Variants in HMCN2 observed in about 807,000 individuals in gnomAD.
The protein encoded by HMCN2 is hemicentin 2.
A neutral mutation model predicts 377.5 loss-of-function variants in HMCN2; 325 were observed. The observed-to-expected ratio is 0.86, with a 90% confidence interval of 0.79 to 0.94. HMCN2 has a LOEUF of 0.94. Among genes scored for constraint, HMCN2 ranks in the 40% least tolerant of loss-of-function variants. HMCN2 has a pLI of 0.00. For missense variants in HMCN2, 4,543 were observed against 4,725.3 expected, an observed-to-expected ratio of 0.96 and a Z score of 1.13; for synonymous variants, 2,007 against 2,046.8, an observed-to-expected ratio of 0.98 and a Z score of 0.53.
intron 31 of HMCN2, 84 bp from the exon 32 acceptor site, chr9:130,354,679 G>T (rs1447293634): frequency 2.6e-6 from 3 of 1,143,788 alleles, no homozygotes; most frequent in African/African-American, 3.2e-5. Flanking sequence ...GTCGGTGAGG[G>T]GCTTCAGCGG....
At position 130,365,824 on chromosome 9, in the gene HMCN2, C is replaced by T. The variant is rs1840661860; in HGVS notation, c.6506-52C>T. On this transcript the variant is annotated intron_variant, in intron 42 of 97. Transcript: ENST00000683500. The stretch of plus-strand genomic sequence containing the variant: ...CCAGCCTGCCCTCGCCTTGCTCATC[C>T]CCTCCCCATCTCAGCCCCACCCCCA... 4 of 983,684 alleles carry T rather than the reference C, an allele frequency of 4.1e-6. No individual in the cohort carries two copies. The African/African-American group carries it at 5.2e-5, about 13-fold the overall frequency. 60.9% of individuals were successfully genotyped at this position (983,684 alleles called of 1,614,324 possible). A position where few individuals can be genotyped will look rare whatever the true frequency, so the allele number is the denominator to read the frequency against.
At chr9:130,412,502 A>G (rs1025323948) in intron 85 of HMCN2, among the ~76,000 whole-genome samples, 1 of 148,690 alleles carries the variant, frequency 6.7e-6, no homozygotes. Context: ...TTGGGGTTAC[A>G]CCTTTTAAAA....
Position 130,430,363 on chromosome 9 carries a change from C to A in HMCN2, c.14406C>A (p.Cys4802Ter). Residue 4802 changes from cysteine to a stop codon, truncating the protein, a stop_gained, in exon 95 of 98, where the codon TGC becomes TGA. Transcript: ENST00000683500. LOFTEE classifies it high-confidence loss of function. The part of the protein sequence containing the change: ...HNLQGSYRCL[C>*]PPGQTLLRDG... ...TCCAGGGCAGCTACCGCTGCCTGTG[C>A]CCCCCAGGCCAGACCCTCCTTCGCG... The A allele has an allele frequency of 6.5e-7, 1 of 1,549,132 alleles. No individual in the cohort carries two copies. The highest frequency in any genetic ancestry group is 8.7e-7 in the Non-Finnish European group (1 of 1,146,750).
intron 3 of HMCN2, among the ~76,000 whole-genome samples, chr9:130,285,623 C>T (rs1311638509): frequency 6.6e-6 from 1 of 152,248 alleles, no homozygotes; most frequent in African/African-American, 2.4e-5. Context: ...ACCCGTCTTC[C>T]TCCTGGCATC....
chr9:130,270,275 T>TG (rs1834345205), intron 1 of HMCN2, among the ~76,000 whole-genome samples: 1 of 131,566 alleles, frequency 7.6e-6, no homozygotes, highest in African/African-American at 2.7e-5. Flanking sequence ...TAAAGGTTTT[T>TG]TTTGTTTGTT....
chr9:130,309,457 G>C (rs1029910087), intron 14 of HMCN2, among the ~76,000 whole-genome samples: 10 of 143,236 alleles, frequency 7.0e-5, no homozygotes, highest in Middle Eastern at 3.8e-3. Flanking sequence ...AGAGGTTGCA[G>C]TGAGCCAAGA....
intron 53 of HMCN2, among the ~76,000 whole-genome samples, 157 bp from the exon 54 acceptor site, chr9:130,379,092 T>G (rs907254395): frequency 6.6e-6 from 1 of 152,066 alleles, no homozygotes; most frequent in African/African-American, 2.4e-5. Flanking sequence ...AACACCGGTT[T>G]AGGGAGTGAG....
Position 130,374,597 on chromosome 9 carries a change from G to A in HMCN2, c.7534G>A (p.Val2512Ile). 1.0e-6 allele frequency: 1 copy of A among 985,786 alleles called. No homozygotes were observed. Among genetic ancestry groups the A allele is most frequent in the Non-Finnish European group, 1.2e-6 (1 of 829,962 alleles). 61.1% of individuals were successfully genotyped at this position (985,786 alleles called of 1,614,324 possible). A position where few individuals can be genotyped will look rare whatever the true frequency, so the allele number is the denominator to read the frequency against. ...HISPDGVLLQ[V>I]LQANLSSAGH... ...CTCCCCAGACGGAGTCCTCCTGCAG[G>A]TCCTCCAGGCAAACCTGTCCAGTGC... Residue 2512 changes from valine to isoleucine, a missense_variant, in exon 49 of 98, where the codon GTC (valine) becomes ATC (isoleucine). Val to Ile is a conservative substitution (Grantham distance 29, BLOSUM62 3). Transcript: ENST00000683500.
intron 22 of HMCN2, among the ~76,000 whole-genome samples, chr9:130,334,707 TTCTC>T (rs1200391421): frequency 5.7e-5 from 8 of 139,686 alleles, no homozygotes; most frequent in East Asian, 2.0e-4. Flanking sequence ...CTTTCTTTCT[TTCTC>T]TCTCTCTCTC....
chr9:130,406,639 A>G (rs1476249852), intron 82 of HMCN2: 1 of 178,124 alleles, frequency 5.6e-6, no homozygotes. Flanking sequence ...ACTTTCCTAC[A>G]TTAGGATATG....
chr9:130,354,748 CT>C lies in HMCN2; in HGVS notation c.4865-14del. The C allele has an allele frequency of 7.8e-7, 1 of 1,285,746 alleles. No homozygotes were observed. The highest frequency in any genetic ancestry group is 1.0e-6 in the Non-Finnish European group (1 of 977,626). 79.6% of individuals were successfully genotyped at this position (1,285,746 alleles called of 1,614,324 possible). On this transcript the variant is annotated splice_polypyrimidine_tract_variant and intron_variant, in intron 31 of 97. Coordinates refer to ENST00000683500, the MANE Select transcript of HMCN2 (RefSeq NM_001291815.2). Reference sequence around the variant, plus strand: ...CCAGCTGTGGTCCCCAAGCCGCCCCCTGCCTCTTTTCCAGTCCCACCTACCA... The same window carrying C: ...CCAGCTGTGGTCCCCAAGCCGCCCCCGCCTCTTTTCCAGTCCCACCTACCA...
chr9:130,385,545 A>G lies in HMCN2; in HGVS notation c.9107-15A>G, dbSNP rs1236034052. On this transcript the variant is annotated splice_polypyrimidine_tract_variant and intron_variant, in intron 59 of 97. Coordinates refer to ENST00000683500, the MANE Select transcript of HMCN2 (RefSeq NM_001291815.2). ...GACAGCTGCAGCACCTCACTCTGCT[A>G]TCTCCTGCCCCCAGTTCCCCCGGCC... is the stretch of plus-strand genomic sequence containing the variant. 2.3e-6 allele frequency: 3 copies of G among 1,301,600 alleles called. No individual in the cohort carries two copies. The highest frequency in any genetic ancestry group is 3.0e-6 in the Non-Finnish European group (3 of 986,740). The allele number at this position is 1,301,600 out of a possible 1,614,324, so 80.6% of individuals were successfully genotyped here.
chr9:130,283,136 C>T (rs1390485526), intron 1 of HMCN2, among the ~76,000 whole-genome samples: 1 of 152,004 alleles, frequency 6.6e-6, no homozygotes, highest in East Asian at 1.9e-4. Context: ...TCCTAAGAAA[C>T]CTGATGTCCA....
At chr9:130,354,327 C>T (rs1839903255) in intron 31 of HMCN2, among the ~76,000 whole-genome samples, 1 of 152,170 alleles carries the variant, frequency 6.6e-6, no homozygotes, top group African/African-American at 2.4e-5. Flanking sequence ...CCCCCCAATC[C>T]AAGCCATCTG....
At position 130,403,887 on chromosome 9, in the gene HMCN2, G is replaced by T. The variant is rs1192596840; in HGVS notation, c.12148+12G>T. 7.8e-7 allele frequency: 1 copy of T among 1,287,368 alleles called. No homozygotes were observed. The highest frequency in any genetic ancestry group is 1.0e-6 in the Non-Finnish European group (1 of 987,122). 79.7% of individuals were successfully genotyped at this position (1,287,368 alleles called of 1,614,324 possible). A position where few individuals can be genotyped will look rare whatever the true frequency, so the allele number is the denominator to read the frequency against. ...GCTGGTGGTGCAAGGTGGGAGTGAG[G>T]ACGGGGCCGAGGTGGGCCCTGGCAA... On this transcript the variant is annotated intron_variant, in intron 80 of 97. Transcript: ENST00000683500.
Position 130,425,873 on chromosome 9 carries a change from GAT to G in HMCN2, c.13829_13830del (p.Asp4610AlafsTer28). 4.5e-6 allele frequency: 7 copies of G among 1,550,304 alleles called. No homozygotes were observed. The highest frequency in any genetic ancestry group is 6.1e-6 in the Non-Finnish European group (7 of 1,146,960). On this transcript the variant is annotated frameshift_variant, in exon 90 of 98. Transcript: ENST00000683500. LOFTEE classifies it high-confidence loss of function. Reference sequence around the variant, plus strand: ...GGCCTCAGCTATCAGCTCGGCCTTTGATCCAGAGGCCGAGGCCCTGCGCTTCC... The same window carrying G: ...GGCCTCAGCTATCAGCTCGGCCTTTGCCAGAGGCCGAGGCCCTGCGCTTCC... ...LRASAISSAF[D>X]PEAEALRFQL...
chr9:130,269,749 T>C (rs1564732885), intron 1 of HMCN2, among the ~76,000 whole-genome samples: 1 of 147,856 alleles, frequency 6.8e-6, no homozygotes, highest in Non-Finnish European at 1.5e-5. Context: ...TTAGTGCTTT[T>C]ATTTTTAGTT....
chr9:130,293,303 G>GTTTTTTTTTTTTTT (rs1588186458), intron 4 of HMCN2, among the ~76,000 whole-genome samples: 1 of 77,282 alleles, frequency 1.3e-5, no homozygotes, highest in African/African-American at 9.0e-5. Flanking sequence ...TTTTTTTTGC[G>GTTTTTTTTTTTTTT]GTTCTTGTTG....
At chr9:130,328,262 G>A (rs951521614) in intron 22 of HMCN2, among the ~76,000 whole-genome samples, 19,879 of 152,154 alleles carry the variant, frequency 0.13, 1,352 homozygotes, top group African/African-American at 0.16. Context: ...GGGCATCATC[G>A]GTGGGGTCCC....
Sources: allele counts gnomAD v4.1 joint callset (sites outside exome capture counted in the v4.1 genomes callset), GRCh38; gene constraint gnomAD v4.1.1; transcripts MANE v1.5; gene names NCBI Gene and HGNC (gene_info 2026-07-23, HGNC 2026-07-21).